Variants in CACNA1E observed in about 807,000 individuals in gnomAD.
The protein encoded by CACNA1E is calcium voltage-gated channel subunit alpha1 E.
A neutral mutation model predicts 259.2 loss-of-function variants in CACNA1E; 40 were observed. The ratio of observed to expected loss-of-function variants is 0.15; its 90% CI spans 0.12 to 0.20. CACNA1E has a LOEUF of 0.20. Ranked by LOEUF, CACNA1E falls within the 10% of genes least tolerant of loss-of-function variation. The probability of loss-of-function intolerance (pLI) is 1.00; values close to 1 mark genes in which losing one functional copy is unlikely to be tolerated. For missense variants in CACNA1E, 1,874 were observed against 3,040.1 expected, an observed-to-expected ratio of 0.62 and a Z score of 9.02; for synonymous variants, 1,104 against 1,138.5, an observed-to-expected ratio of 0.97 and a Z score of 0.61.
intron 38 of CACNA1E, 97 bp from the exon 39 acceptor site, chr1:181,781,330 T>C (rs1660409227): frequency 1.4e-6 from 1 of 692,316 alleles, no homozygotes; most frequent in Non-Finnish European, 2.7e-6. Context: ...TCCTCTCCTA[T>C]CTGTCTGCAT....
At chr1:181,630,102 C>T (rs116611031) in intron 6 of CACNA1E, among the ~76,000 whole-genome samples, 2 of 134,438 alleles carry the variant, frequency 1.5e-5, no homozygotes, top group Admixed American at 8.2e-5. Context: ...TAAGCACTTA[C>T]CACAGCAGGA....
At chr1:181,682,315 T>C (rs957944565) in intron 7 of CACNA1E, among the ~76,000 whole-genome samples, 1 of 152,192 alleles carries the variant, frequency 6.6e-6, no homozygotes, top group Non-Finnish European at 1.5e-5. Context: ...TAGGACTTGA[T>C]GATAAAAACT....
Position 181,771,357 on chromosome 1 carries a change from T to A in CACNA1E, c.4946T>A (p.Phe1649Tyr). Residue 1649 changes from phenylalanine to tyrosine, a missense_variant, in exon 36 of 48, where the codon TTC (phenylalanine) becomes TAC (tyrosine). Transcript: ENST00000367573. ...AACCGGCACAACAACTTCCGGAGTT[T>A]CTTTGGGTCCCTAATGCTACTCTTC... ...HINRHNNFRS[F>Y]FGSLMLLFRS... The A allele has an allele frequency of 6.2e-7, 1 of 1,601,524 alleles. No individual in the cohort carries two copies. Among genetic ancestry groups the A allele is most frequent in the South Asian group, 1.1e-5 (1 of 89,008 alleles).
intron 44 of CACNA1E, among the ~76,000 whole-genome samples, chr1:181,790,901 A>T (rs1661244973): frequency 1.3e-5 from 2 of 152,226 alleles, no homozygotes; most frequent in Non-Finnish European, 2.9e-5. Flanking sequence ...ATCACCAGAG[A>T]ATGAGTGACA....
intron 7 of CACNA1E, among the ~76,000 whole-genome samples, chr1:181,700,308 C>T (rs1199610684): frequency 6.6e-6 from 1 of 152,200 alleles, no homozygotes; most frequent in Non-Finnish European, 1.5e-5. Flanking sequence ...TGGAATTGAG[C>T]TAACCTCAGT....
chr1:181,684,876 C>CT (rs34538225), intron 7 of CACNA1E, among the ~76,000 whole-genome samples: 85,168 of 135,070 alleles, frequency 0.63, 26,918 homozygotes, highest in East Asian at 0.74. Context: ...TTTTTAAATC[C>CT]TTTTTTTTTT....
intron 2 of CACNA1E, among the ~76,000 whole-genome samples, chr1:181,446,658 T>C (rs4579718): frequency 0.056 from 8,605 of 152,306 alleles, 588 homozygotes; most frequent in African/African-American, 0.17. Context: ...TTGGTTCAAA[T>C]GCTGTCTGCT....
Position 181,739,070 on chromosome 1 carries a change from G to A in CACNA1E, c.3613-77G>A. The A allele has an allele frequency of 1.3e-5, 11 of 874,384 alleles. No individual in the cohort carries two copies. The South Asian group carries it at 1.3e-4, about 11-fold the overall frequency. The allele number at this position is 874,384 out of a possible 1,614,324, so 54.2% of individuals were successfully genotyped here. The stretch of plus-strand genomic sequence containing the variant: ...TGGAGACAGTGGCAGTGGGGGCACT[G>A]CCATGATGAACAGAGCTCAGGTCAA... On this transcript the variant is annotated intron_variant, in intron 24 of 47. Transcript: ENST00000367573.
intron 2 of CACNA1E, among the ~76,000 whole-genome samples, chr1:181,437,979 A>G: frequency 6.6e-6 from 1 of 152,210 alleles, no homozygotes; most frequent in African/African-American, 2.4e-5. Context: ...AACAGGTCCA[A>G]GGAACTTTTG....
chr1:181,729,236 C>T (rs182258128), intron 18 of CACNA1E, among the ~76,000 whole-genome samples: 20 of 148,492 alleles, frequency 1.3e-4, no homozygotes, highest in Admixed American at 1.1e-3. Context: ...CTGTGTGTGC[C>T]CTGCACAGAT....
intron 7 of CACNA1E, among the ~76,000 whole-genome samples, chr1:181,686,939 G>A (rs1019127080): frequency 7.2e-5 from 11 of 152,126 alleles, no homozygotes; most frequent in African/African-American, 2.7e-4. Context: ...AGAGATCCTG[G>A]GTGACATGTG....
intron 3 of CACNA1E, among the ~76,000 whole-genome samples, chr1:181,528,710 T>C: frequency 6.6e-6 from 1 of 152,214 alleles, no homozygotes. Flanking sequence ...GCAAAGAGAC[T>C]GGTGGCCTAT....
chr1:181,482,639 T>C (rs1188493067), upstream of CACNA1E, among the ~76,000 whole-genome samples: 1 of 152,250 alleles, frequency 6.6e-6, no homozygotes, highest in Non-Finnish European at 1.5e-5. Flanking sequence ...CCGCTCGCTG[T>C]CCTCTGCCTC....
At chr1:181,793,134 G>A (rs1389845781) in intron 44 of CACNA1E, among the ~76,000 whole-genome samples, 1 of 152,146 alleles carries the variant, frequency 6.6e-6, no homozygotes, top group African/African-American at 2.4e-5. Context: ...GTCACTCAGG[G>A]CATCCCTGAC....
chr1:181,784,276 GTCAC>G (rs1310535851), intron 40 of CACNA1E, among the ~76,000 whole-genome samples: 4 of 152,136 alleles, frequency 2.6e-5, no homozygotes, highest in African/African-American at 4.8e-5. Context: ...TTAAAATCAG[GTCAC>G]TCAGACTATG....
chr1:181,733,408 AC>A (rs1358576514), intron 20 of CACNA1E, 28 bp from the exon 21 acceptor site: 1 of 1,484,636 alleles, frequency 6.7e-7, no homozygotes, highest in East Asian at 2.4e-5. Flanking sequence ...GCGTCTGAGC[AC>A]CAGCTCTCTC....
At chr1:181,482,624 G>GCGCGCCGCTCGCTGTCCTCTGC (rs1341901857), upstream of CACNA1E, among the ~76,000 whole-genome samples, 2 of 152,240 alleles carry the variant, frequency 1.3e-5, no homozygotes, top group Non-Finnish European at 2.9e-5. Flanking sequence ...CTGCGCCTCT[G>GCGCGCCGCTCGCTGTCCTCTGC]CGCGCCGCTC....
intron 25 of CACNA1E, among the ~76,000 whole-genome samples, chr1:181,742,335 G>A (rs1454641613): frequency 1.3e-5 from 2 of 152,196 alleles, no homozygotes; most frequent in Non-Finnish European, 1.5e-5. Flanking sequence ...GCTCAGGCCA[G>A]CAGAAAGCCA....
At chr1:181,450,150 C>T (rs770287041) in intron 2 of CACNA1E, among the ~76,000 whole-genome samples, 7 of 152,188 alleles carry the variant, frequency 4.6e-5, no homozygotes, top group Non-Finnish European at 1.0e-4. Flanking sequence ...GGGCTACACA[C>T]TTTCAAACAA....
Sources: gnomAD v4.1 joint callset for allele counts (sites outside exome capture counted in the v4.1 genomes callset) on GRCh38, gnomAD v4.1.1 for gene constraint, MANE v1.5 for transcripts, NCBI Gene and HGNC (gene_info 2026-07-23, HGNC 2026-07-21) for gene names.